NETO1: variants seen among roughly 807,000 people sequenced by gnomAD.
NETO1 encodes neuropilin and tolloid like 1, also known as neuropilin and tolloid-like protein 1.
Under a neutral mutation model 61.3 loss-of-function variants are expected in NETO1, and 26 were observed. The ratio of observed to expected loss-of-function variants is 0.42; its 90% CI spans 0.31 to 0.59. The LOEUF (loss-of-function observed/expected upper bound fraction) is 0.59. Among genes scored for constraint, NETO1 ranks in the 20% least tolerant of loss-of-function variants. The pLI, the probability that NETO1 is intolerant of heterozygous loss-of-function variation, is 0.12. For missense variants in NETO1, 531 were observed against 662.8 expected (o/e 0.80, Z 2.18); for synonymous variants, 225 against 225.8 (o/e 1.00, Z 0.03).
intron 10 of NETO1, 120 bp from the exon 11 acceptor site, chr18:72,748,284 G>A: frequency 2.0e-6 from 2 of 984,114 alleles, no homozygotes; most frequent in South Asian, 4.7e-5. Context: ...ATAGTTGATA[G>A]GCTTGAGGAG....
chr18:72,779,249 G>T (rs1028828009), intron 7 of NETO1, among the ~76,000 whole-genome samples: 2 of 151,240 alleles, frequency 1.3e-5, no homozygotes, highest in Non-Finnish European at 2.9e-5. Context: ...TATTGGATGT[G>T]TATAATTATA....
At chr18:72,797,299 C>G (rs2072349467) in intron 4 of NETO1, among the ~76,000 whole-genome samples, 1 of 152,096 alleles carries the variant, frequency 6.6e-6, no homozygotes, top group African/African-American at 2.4e-5. Context: ...AATGCCAGTT[C>G]TGGGAACTGA....
intron 6 of NETO1, 90 bp downstream of exon 6, chr18:72,794,027 A>G (rs2072228017): frequency 2.0e-6 from 3 of 1,527,934 alleles, no homozygotes; most frequent in East Asian, 2.3e-5. Flanking sequence ...TCTGAAATGT[A>G]TTAGACACGT....
intron 7 of NETO1, among the ~76,000 whole-genome samples, chr18:72,760,055 C>T (rs2070920914): frequency 6.6e-6 from 1 of 152,166 alleles, no homozygotes; most frequent in South Asian, 2.1e-4. Flanking sequence ...CACTGAACTA[C>T]TTGAAATTGT....
chr18:72,822,139 C>T (rs2073219464), intron 4 of NETO1, among the ~76,000 whole-genome samples: 1 of 152,178 alleles, frequency 6.6e-6, no homozygotes, highest in South Asian at 2.1e-4. Context: ...TGGATCAGCC[C>T]TGACTTTTCC....
intron 4 of NETO1, among the ~76,000 whole-genome samples, chr18:72,794,751 A>G (rs2145284682): frequency 6.6e-6 from 1 of 152,294 alleles, no homozygotes; most frequent in Middle Eastern, 3.4e-3. Context: ...TATCCTCTAT[A>G]ACAGGAGAAC....
At chr18:72,854,984 T>A (rs1418637658) in intron 4 of NETO1, among the ~76,000 whole-genome samples, 1 of 152,192 alleles carries the variant, frequency 6.6e-6, no homozygotes, top group Non-Finnish European at 1.5e-5. Flanking sequence ...TTCTAGTCAT[T>A]TGATTTTATA....
At chr18:72,808,353 G>A (rs2072747073) in intron 4 of NETO1, among the ~76,000 whole-genome samples, 1 of 151,816 alleles carries the variant, frequency 6.6e-6, no homozygotes, top group Admixed American at 6.6e-5. Flanking sequence ...GCGTGACATA[G>A]GTTGCAGAGG....
chr18:72,753,054 G>A (rs1222753717), intron 8 of NETO1, among the ~76,000 whole-genome samples: 1 of 151,870 alleles, frequency 6.6e-6, no homozygotes, highest in East Asian at 1.9e-4. Flanking sequence ...TACTGTAATG[G>A]GAGTATAAGA....
At position 72,750,042 on chromosome 18, in the gene NETO1, A is replaced by G. The variant is rs563906531; in HGVS notation, c.1541+20T>C. On this transcript the variant is annotated intron_variant, in intron 9 of 10. Transcript: ENST00000327305. Reference sequence around the variant, plus strand: ...AGTCTTCAGGTTATAGTTGTCATCAAAAAATCTATTGATACTGACCGCTGG... The same window carrying G: ...AGTCTTCAGGTTATAGTTGTCATCAGAAAATCTATTGATACTGACCGCTGG... The G allele has an allele frequency of 1.1e-5, 16 of 1,517,070 alleles. No individual in the cohort carries two copies. The African/African-American group carries it at 1.8e-4, about 17-fold the overall frequency. 94.0% of individuals were successfully genotyped at this position (1,517,070 alleles called of 1,614,324 possible).
intron 4 of NETO1, among the ~76,000 whole-genome samples, chr18:72,845,150 C>T (rs979345592): frequency 4.6e-5 from 7 of 152,184 alleles, no homozygotes; most frequent in African/African-American, 1.7e-4. Flanking sequence ...TTGAATGAAT[C>T]TGTGAAATGA....
chr18:72,849,954 C>T (rs759843693), intron 4 of NETO1, among the ~76,000 whole-genome samples: 1 of 152,240 alleles, frequency 6.6e-6, no homozygotes, highest in Admixed American at 6.5e-5. Context: ...CCTGACCCTA[C>T]TGCCTCCTTC....
At chr18:72,756,591 A>G (rs1422166523) in intron 7 of NETO1, among the ~76,000 whole-genome samples, 1 of 152,174 alleles carries the variant, frequency 6.6e-6, no homozygotes, top group Non-Finnish European at 1.5e-5. Context: ...AACATACACT[A>G]AAGCAAACCC....
At chr18:72,742,894 A>G (rs1348867854), downstream of NETO1, 15 of 152,210 alleles carry the variant, frequency 9.9e-5, no homozygotes, top group Non-Finnish European at 5.9e-5. Context: ...TATGTTCGCT[A>G]GTCAACCATC....
At chr18:72,856,384 C>A (rs59782777) in intron 4 of NETO1, among the ~76,000 whole-genome samples, 3 of 151,958 alleles carry the variant, frequency 2.0e-5, no homozygotes, top group African/African-American at 7.3e-5. Context: ...ATTTCAGGAA[C>A]TGTTTTTAAG....
intron 4 of NETO1, among the ~76,000 whole-genome samples, chr18:72,826,323 C>A (rs2073371984): frequency 6.6e-6 from 1 of 152,004 alleles, no homozygotes; most frequent in African/African-American, 2.4e-5. Flanking sequence ...TTTTACTTAA[C>A]ACTTATCTTT....
At chr18:72,743,132 A>T (rs773381885), downstream of NETO1, among the ~76,000 whole-genome samples, 4 of 152,190 alleles carry the variant, frequency 2.6e-5, no homozygotes, top group Non-Finnish European at 5.9e-5. Context: ...CCTTGAATAA[A>T]GTGTAAATTC....
intron 7 of NETO1, among the ~76,000 whole-genome samples, chr18:72,783,192 T>C (rs892334998): frequency 2.0e-5 from 3 of 152,220 alleles, no homozygotes; most frequent in Admixed American, 6.5e-5. Context: ...CTGAAACTTT[T>C]CTCATTTACA....
chr18:72,795,664 G>A (rs894733598), intron 4 of NETO1, among the ~76,000 whole-genome samples: 15 of 151,878 alleles, frequency 9.9e-5, no homozygotes, highest in Non-Finnish European at 2.1e-4. Flanking sequence ...GTTTTGATAC[G>A]TGACGTTTTG....
Sources: allele counts gnomAD v4.1 joint callset (sites outside exome capture counted in the v4.1 genomes callset), GRCh38; gene constraint gnomAD v4.1.1; transcripts MANE v1.5; gene names NCBI Gene and HGNC (gene_info 2026-07-23, HGNC 2026-07-21).